Variants in TLN2 observed in about 807,000 individuals in gnomAD.
TLN2 encodes the protein talin 2.
Under a neutral mutation model 294.7 loss-of-function variants are expected in TLN2, and 118 were observed. The observed-to-expected ratio is 0.40, with a 90% CI of 0.34 to 0.47. The LOEUF (loss-of-function observed/expected upper bound fraction) is 0.47. Ranked by LOEUF, TLN2 falls within the 20% of genes least tolerant of loss-of-function variation. The pLI is 0.84. For missense variants in TLN2, 3,083 were observed against 3,282.2 expected, an observed-to-expected ratio of 0.94 and a Z score of 1.48; for synonymous variants, 1,431 against 1,304.5, an observed-to-expected ratio of 1.10 and a Z score of -2.09.
At chr15:62,396,294 A>G (rs2032540705) in intron 1 of TLN2, among the ~76,000 whole-genome samples, 1 of 152,242 alleles carries the variant, frequency 6.6e-6, no homozygotes, top group African/African-American at 2.4e-5. Flanking sequence ...TCAAACACGC[A>G]GGCTTTTCTA....
chr15:62,546,916 G>C (rs1289834114), intron 1 of TLN2, among the ~76,000 whole-genome samples: 1 of 152,158 alleles, frequency 6.6e-6, no homozygotes, highest in African/African-American at 2.4e-5. Flanking sequence ...CCCTTGGTCC[G>C]TAATACTGCA....
intron 13 of TLN2, 87 bp downstream of exon 13, chr15:62,693,028 T>G: frequency 8.7e-7 from 1 of 1,148,448 alleles, no homozygotes; most frequent in Non-Finnish European, 1.3e-6. Flanking sequence ...GAAAAAAAAA[T>G]CCTCTTAAAT....
At chr15:62,545,357 A>C (rs780380116) in intron 1 of TLN2, among the ~76,000 whole-genome samples, 1 of 152,226 alleles carries the variant, frequency 6.6e-6, no homozygotes, top group Non-Finnish European at 1.5e-5. Flanking sequence ...AACAACACAA[A>C]AAGTCCACAT....
intron 45 of TLN2, among the ~76,000 whole-genome samples, chr15:62,789,209 G>A (rs928698577): frequency 2.3e-4 from 35 of 152,148 alleles, no homozygotes; most frequent in African/African-American, 7.5e-4. Flanking sequence ...CTGTGAGGCT[G>A]AGCCTCAAGG....
intron 1 of TLN2, among the ~76,000 whole-genome samples, chr15:62,463,856 C>T (rs911898922): frequency 2.6e-5 from 4 of 152,178 alleles, no homozygotes; most frequent in African/African-American, 9.7e-5. Context: ...CACTGCACTC[C>T]AGCCTGGGCA....
At chr15:62,480,671 C>G (rs1281815805) in intron 1 of TLN2, among the ~76,000 whole-genome samples, 1 of 152,200 alleles carries the variant, frequency 6.6e-6, no homozygotes, top group African/African-American at 2.4e-5. Flanking sequence ...CCCTGGTAAG[C>G]TGCCAGTGCT....
rs2141089471 is a variant in TLN2, at chr15:62,698,789, C to A, written c.1509C>A (p.Asn503Lys). The A allele has an allele frequency of 6.2e-7, 1 of 1,612,214 alleles. No individual in the cohort carries two copies. The highest frequency in any genetic ancestry group is 2.2e-5 in the East Asian group (1 of 44,884). Residue 503 changes from asparagine (N) to lysine (K), a missense_variant, in exon 16 of 59, where the codon AAC (asparagine) becomes AAA (lysine). Asn to Lys is a moderately conservative substitution (Grantham distance 94). Coordinates refer to ENST00000636159, the MANE Select transcript of TLN2 (RefSeq NM_015059.3). Reference protein sequence around the residue: ...SAQQALMGTINTSMHAVQQAQ... With the variant: ...SAQQALMGTIKTSMHAVQQAQ... ...AGCAGGCCCTGATGGGGACCATCAA[C>A]ACAAGCATGCACGCCGTCCAGCAGG...
chr15:62,505,851 A>G (rs2039589777), intron 1 of TLN2, among the ~76,000 whole-genome samples: 3 of 152,130 alleles, frequency 2.0e-5, no homozygotes, highest in Middle Eastern at 3.2e-3. Context: ...GGGAAGGGGA[A>G]GGGGAGTGTC....
intron 1 of TLN2, among the ~76,000 whole-genome samples, chr15:62,495,035 A>G (rs896832041): frequency 6.6e-6 from 1 of 152,218 alleles, no homozygotes; most frequent in Non-Finnish European, 1.5e-5. Flanking sequence ...GCCCAAAGGC[A>G]GCTTTTACCA....
chr15:62,541,920 T>C (rs1453148570), intron 1 of TLN2, among the ~76,000 whole-genome samples: 2 of 151,686 alleles, frequency 1.3e-5, no homozygotes, highest in Non-Finnish European at 2.9e-5. Flanking sequence ...CTCCAGCTGC[T>C]TTGCTATATT....
chr15:62,662,529 G>C (rs1446619719), intron 9 of TLN2, among the ~76,000 whole-genome samples: 2 of 152,174 alleles, frequency 1.3e-5, no homozygotes, highest in Non-Finnish European at 2.9e-5. Flanking sequence ...ACATATGTGC[G>C]TGTGTAAGTG....
intron 1 of TLN2, among the ~76,000 whole-genome samples, chr15:62,530,217 C>A (rs1446636381): frequency 6.6e-6 from 1 of 151,956 alleles, no homozygotes; most frequent in Non-Finnish European, 1.5e-5. Flanking sequence ...TTTTGTTATT[C>A]TTAATATTGA....
chr15:62,827,640 T>G (rs1201168734), intron 54 of TLN2: 1 of 152,204 alleles, frequency 6.6e-6, no homozygotes, highest in African/African-American at 2.4e-5. Context: ...GATTTGTGGG[T>G]TTTACTTATA....
chr15:62,517,288 C>T (rs2040235417), intron 1 of TLN2, among the ~76,000 whole-genome samples: 1 of 152,144 alleles, frequency 6.6e-6, no homozygotes, highest in Non-Finnish European at 1.5e-5. Context: ...CTTCCTTTTC[C>T]TTCATACCCT....
chr15:62,554,636 C>G (rs576317222), intron 1 of TLN2, among the ~76,000 whole-genome samples: 7 of 152,016 alleles, frequency 4.6e-5, no homozygotes, highest in Admixed American at 4.6e-4. Context: ...ACACTTTTAC[C>G]AAGGCCAGTA....
At chr15:62,803,403 C>G (rs917684783) in intron 50 of TLN2, among the ~76,000 whole-genome samples, 2 of 152,062 alleles carry the variant, frequency 1.3e-5, no homozygotes, top group African/African-American at 4.8e-5. Flanking sequence ...AACTTTCTAC[C>G]CCATCTCTTT....
At chr15:62,446,891 G>A (rs2035848754) in intron 1 of TLN2, among the ~76,000 whole-genome samples, 1 of 152,134 alleles carries the variant, frequency 6.6e-6, no homozygotes, top group Non-Finnish European at 1.5e-5. Flanking sequence ...CATTCAAACC[G>A]GACAAGGCAT....
intron 45 of TLN2, among the ~76,000 whole-genome samples, chr15:62,785,215 T>C (rs140481334): frequency 6.6e-6 from 1 of 152,344 alleles, no homozygotes; most frequent in East Asian, 1.9e-4. Context: ...AAGATTCTGT[T>C]GATTCTTTAC....
At chr15:62,792,542 G>T in intron 45 of TLN2, 99 bp from the exon 46 acceptor site, 1 of 1,467,706 alleles carries the variant, frequency 6.8e-7, no homozygotes, top group Non-Finnish European at 9.1e-7. Flanking sequence ...TTCCTAGCCA[G>T]GCTCCCATAG....
Sources: allele counts gnomAD v4.1 joint callset (sites outside exome capture counted in the v4.1 genomes callset), GRCh38; gene constraint gnomAD v4.1.1; transcripts MANE v1.5; gene names NCBI Gene and HGNC (gene_info 2026-07-23, HGNC 2026-07-21).